Variants in GIPR observed in about 807,000 individuals in gnomAD.
The protein encoded by GIPR is gastric inhibitory polypeptide receptor, also known as GIP-R.
In GIPR, 74 loss-of-function variants were observed where a neutral mutation model predicts 62.2. The observed-to-expected ratio is 1.19, with a 90% CI of 0.99 to 1.44. GIPR has a LOEUF of 1.44. GIPR is among the 40% of genes most tolerant of loss of function. GIPR has a pLI of 0.00. For synonymous variants in GIPR, 256 were observed against 262.2 expected (o/e 0.98, Z 0.23); for missense variants, 664 against 611.8 (o/e 1.09, Z -0.90).
At position 45,682,226 on chromosome 19, in the gene GIPR, C is replaced by G; in HGVS notation, c.*291C>G. The G allele has an allele frequency of 2.3e-6, 1 of 429,448 alleles. No homozygotes were observed. The highest frequency in any genetic ancestry group is 6.2e-4 in the Middle Eastern group (1 of 1,616). 26.6% of individuals were successfully genotyped at this position (429,448 alleles called of 1,614,324 possible). On this transcript the variant is annotated 3_prime_UTR_variant, in exon 14 of 14. Coordinates refer to ENST00000590918, the MANE Select transcript of GIPR (RefSeq NM_000164.4). ...CATCCCCGAAAGAGGTGAAAGAGAT[C>G]ACTTTGGGGAGAGCTGGAGAACAGG...
intron 7 of GIPR, among the ~76,000 whole-genome samples, chr19:45,676,202 A>G (rs1342668804): frequency 2.3e-4 from 9 of 39,394 alleles, no homozygotes; most frequent in Admixed American, 1.5e-3. Context: ...GGCTCCGTCT[A>G]AAAAAAAAAA....
chr19:45,674,267 C>T (rs1257870975), intron 6 of GIPR, 90 bp downstream of exon 6: 2 of 865,356 alleles, frequency 2.3e-6, no homozygotes, highest in Non-Finnish European at 4.0e-6. Flanking sequence ...TCCACCAGGT[C>T]CAGCTATCCA....
At position 45,674,699 on chromosome 19, in the gene GIPR, G is replaced by T; in HGVS notation, c.506G>T (p.Arg169Ile). The T allele has an allele frequency of 3.7e-6, 6 of 1,614,002 alleles. No individual in the cohort carries two copies. Among genetic ancestry groups the T allele is most frequent in the Non-Finnish European group, 4.2e-6 (5 of 1,179,998 alleles). The change falls in exon 7 of 14, where the codon AGA (arginine) becomes ATA (isoleucine). Residue 169 changes from arginine (R) to isoleucine (I), a missense_variant. Transcript: ENST00000590918. ...LSLFRRLHCT[R>I]NYIHINLFTS... ...TCCCCTAGGCGGCTACATTGCACTA[G>T]AAACTATATCCACATCAACCTGTTC...
At chr19:45,676,801 A>G (rs1966951596) in intron 7 of GIPR, 148 bp from the exon 8 acceptor site, 4 of 748,862 alleles carry the variant, frequency 5.3e-6, no homozygotes, top group Non-Finnish European at 7.0e-6. Flanking sequence ...GGTGAGAGAA[A>G]CCAATCACAG....
Position 45,678,237 on chromosome 19 carries a change from A to T in GIPR, c.1152+11A>T. 6.4e-7 allele frequency: 1 copy of T among 1,552,284 alleles called. No individual in the cohort carries two copies. The highest frequency in any genetic ancestry group is 1.2e-5 in the South Asian group (1 of 84,880). On this transcript the variant is annotated intron_variant, in intron 12 of 13. Transcript: ENST00000590918. ...CTCAGCTCCTTCCAGGTGCTCAGGC[A>T]GGGTGCAGGGGCTCCATCCTTCCAC... is the stretch of plus-strand genomic sequence containing the variant.
At chr19:45,676,403 A>T (rs1966914210) in intron 7 of GIPR, among the ~76,000 whole-genome samples, 1 of 146,408 alleles carries the variant, frequency 6.8e-6, no homozygotes. Context: ...TTTCTTTGAG[A>T]TGGAGTCTCA....
In GIPR at chr19:45,678,223, C is replaced by T. The variant is rs771747419; in HGVS notation, c.1149C>T (p.Phe383=). Residue 383 remains phenylalanine, a synonymous_variant, in exon 12 of 14, where the codon TTC becomes TTT. Transcript: ENST00000590918. The stretch of plus-strand genomic sequence containing the variant: ...GCTTTGAGATCTTCCTCAGCTCCTT[C>T]CAGGTGCTCAGGCAGGGTGCAGGGG... ...KLGFEIFLSS[F]QGFLVSVLYC... is the part of the protein sequence containing the mutation. 3.2e-5 allele frequency: 50 copies of T among 1,561,852 alleles called. No homozygotes were observed. The highest frequency in any genetic ancestry group is 9.3e-5 in the South Asian group (8 of 85,850).
At chr19:45,672,718 TATC>T (rs13306396) in intron 4 of GIPR, 130 bp from the exon 5 acceptor site, 99,452 of 666,514 alleles carry the variant, frequency 0.15, 8,763 homozygotes, top group East Asian at 0.47. Context: ...TATAAGGGTT[TATC>T]ATCATCATCA....
chr19:45,670,328 G>A (rs2091775581), intron 2 of GIPR: 1 of 286,572 alleles, frequency 3.5e-6, no homozygotes, highest in Non-Finnish European at 6.7e-6. Context: ...CACCGCGCCC[G>A]GGCCCAGATT....
chr19:45,681,523 CAA>C, intron 12 of GIPR, 79 bp from the exon 13 acceptor site: 2 of 1,215,156 alleles, frequency 1.6e-6, no homozygotes, highest in Non-Finnish European at 2.4e-6. Context: ...AACAAACAAA[CAA>C]AAAACGGGGA....
At chr19:45,678,655 G>C (rs901965282) in intron 12 of GIPR, among the ~76,000 whole-genome samples, 24 of 152,208 alleles carry the variant, frequency 1.6e-4, no homozygotes, top group Non-Finnish European at 3.1e-4. Flanking sequence ...GAGCCATGGC[G>C]CCCAGCCCGT....
At chr19:45,681,490 C>T in intron 12 of GIPR, 114 bp from the exon 13 acceptor site, 1 of 957,948 alleles carries the variant, frequency 1.0e-6, no homozygotes, top group Non-Finnish European at 1.7e-6. Flanking sequence ...AGCAATATTC[C>T]GACTCTTAAA....
At chr19:45,670,606 G>A (rs551515236) in intron 2 of GIPR, 29 bp from the exon 3 acceptor site, 37 of 1,531,648 alleles carry the variant, frequency 2.4e-5, no homozygotes, top group Non-Finnish European at 3.1e-5. Context: ...GGTCGGTCTG[G>A]GGGGGTCCTC....
At chr19:45,670,799 G>C in intron 3 of GIPR, 65 bp downstream of exon 3, 1 of 923,106 alleles carries the variant, frequency 1.1e-6, no homozygotes, top group Non-Finnish European at 1.7e-6. Flanking sequence ...CTTGGGATGG[G>C]CCTTGGGCTG....
chr19:45,678,112 G>C lies in GIPR; in HGVS notation c.1038G>C (p.Leu346=). 6.2e-7 allele frequency: 1 copy of C among 1,612,802 alleles called. No individual in the cohort carries two copies. The highest frequency in any genetic ancestry group is 8.5e-7 in the Non-Finnish European group (1 of 1,179,874). ...GGCTGGCTCGCTCCACGCTGACGCT[G>C]GTGCCCCTGCTGGGTGTCCACGAGG... ...RLRLARSTLT[L]VPLLGVHEVV... Residue 346 remains leucine, a synonymous_variant, in exon 12 of 14, where the codon CTG becomes CTC. Transcript: ENST00000590918.
chr19:45,677,118 G>A lies in GIPR; in HGVS notation c.793+10G>A. On this transcript the variant is annotated intron_variant, in intron 8 of 13. Transcript: ENST00000590918. ...CTGCTCCTCGGCTGGGGTGAGCTCCGATCCCGTCCCCCGCCCAACCCAGCG... is the reference window on the plus strand; with the variant it reads ...CTGCTCCTCGGCTGGGGTGAGCTCCAATCCCGTCCCCCGCCCAACCCAGCG... 6.2e-7 allele frequency: 1 copy of A among 1,612,462 alleles called. No individual in the cohort carries two copies. Among genetic ancestry groups the A allele is most frequent in the Non-Finnish European group, 8.5e-7 (1 of 1,179,798 alleles).
intron 9 of GIPR, 46 bp from the exon 10 acceptor site, chr19:45,677,664 G>T: frequency 6.9e-7 from 1 of 1,442,242 alleles, no homozygotes; most frequent in Non-Finnish European, 9.8e-7. Context: ...GGTGATCGGT[G>T]AGTCTAGAGT....
intron 5 of GIPR, 143 bp downstream of exon 5, chr19:45,673,097 G>A (rs566571782): frequency 1.5e-6 from 1 of 667,370 alleles, no homozygotes; most frequent in East Asian, 2.8e-5. Flanking sequence ...GCTTCAAAGA[G>A]AGAAAGATGT....
rs367845008 is a variant in GIPR at position 45,677,672 on chromosome 19, A to G, written c.855-38A>G. ...TGAGCTTGGTGATCGGTGAGTCTAG[A>G]GTTTTTCTATCTCTTAGCTCTACTC... On this transcript the variant is annotated intron_variant, in intron 9 of 13. Coordinates refer to ENST00000590918, the MANE Select transcript of GIPR (RefSeq NM_000164.4). The G allele has an allele frequency of 8.5e-6, 13 of 1,530,514 alleles. No individual in the cohort carries two copies. The African/African-American group carries it at 1.2e-4, about 14-fold the overall frequency. 94.8% of individuals were successfully genotyped at this position (1,530,514 alleles called of 1,614,324 possible).
Sources: gnomAD v4.1 joint callset for allele counts (sites outside exome capture counted in the v4.1 genomes callset) on GRCh38, gnomAD v4.1.1 for gene constraint, MANE v1.5 for transcripts, NCBI Gene and HGNC (gene_info 2026-07-23, HGNC 2026-07-21) for gene names.